The following EXOC6B variants were observed in gnomAD, a reference collection of about 807,000 sequenced individuals.
EXOC6B encodes the protein exocyst complex component 6B.
A neutral mutation model predicts 113.5 loss-of-function variants in EXOC6B; 54 were observed. That is an observed-to-expected ratio of 0.48 (90% confidence interval 0.38 to 0.60). The LOEUF is 0.60. EXOC6B is among the 20% of genes least tolerant of loss of function. EXOC6B has a pLI of 0.00. For synonymous variants in EXOC6B, 357 were observed against 339.0 expected (o/e 1.05, Z -0.58); for missense variants, 797 against 977.5 (o/e 0.82, Z 2.46).
chr2:72,273,420 C>T (rs80065203), intron 20 of EXOC6B, among the ~76,000 whole-genome samples: 145 of 152,176 alleles, frequency 9.5e-4, no homozygotes, highest in African/African-American at 3.3e-3. Context: ...AAATAGTTCA[C>T]AGCCTAGTAG....
intron 19 of EXOC6B, among the ~76,000 whole-genome samples, chr2:72,349,937 C>T (rs1422872748): frequency 5.3e-5 from 8 of 152,138 alleles, no homozygotes. Context: ...ACTCTGCTGA[C>T]TCTGGGAAGT....
intron 6 of EXOC6B, among the ~76,000 whole-genome samples, chr2:72,683,589 C>T (rs1401810862): frequency 1.3e-5 from 2 of 152,050 alleles, no homozygotes; most frequent in Non-Finnish European, 2.9e-5. Flanking sequence ...AATCTGTGGG[C>T]AGTGGGATTT....
chr2:72,410,182 C>T (rs1694077384), intron 18 of EXOC6B, among the ~76,000 whole-genome samples: 1 of 152,210 alleles, frequency 6.6e-6, no homozygotes, highest in South Asian at 2.1e-4. Flanking sequence ...GCTGCATATT[C>T]TGCCACTTGC....
At chr2:72,411,238 GACACT>G (rs1694166930) in intron 18 of EXOC6B, among the ~76,000 whole-genome samples, 1 of 151,972 alleles carries the variant, frequency 6.6e-6, no homozygotes, top group East Asian at 1.9e-4. Flanking sequence ...AACAAAAATA[GACACT>G]ATCAATTAAA....
chr2:72,459,797 T>C lies in EXOC6B; in HGVS notation c.1980+5363A>G, dbSNP rs190463761. Reference sequence around the variant, plus strand: ...CATACTGCCCAAGGTAATTTATAGATTCAATGCCATCCCCATCAAGCTACC... The same window carrying C: ...CATACTGCCCAAGGTAATTTATAGACTCAATGCCATCCCCATCAAGCTACC... On this transcript the variant is annotated intron_variant, in intron 18 of 21. Coordinates refer to ENST00000272427, the MANE Select transcript of EXOC6B (RefSeq NM_015189.3). 3.9e-4 allele frequency among the ~76,000 whole-genome samples: 59 copies of C among 152,192 alleles called. No homozygotes were observed. The East Asian group carries it at 9.5e-3, about 24-fold the overall frequency.
intron 18 of EXOC6B, among the ~76,000 whole-genome samples, chr2:72,432,688 CT>C (rs952350810): frequency 6.6e-6 from 1 of 152,062 alleles, no homozygotes; most frequent in African/African-American, 2.4e-5. Flanking sequence ...GATGATGAGC[CT>C]TTTTTCATGT....
chr2:72,323,570 G>C (rs559151591), intron 20 of EXOC6B, among the ~76,000 whole-genome samples: 1 of 152,188 alleles, frequency 6.6e-6, no homozygotes, highest in Non-Finnish European at 1.5e-5. Context: ...CAATAGCAAA[G>C]ACTTGGAACC....
intron 1 of EXOC6B, among the ~76,000 whole-genome samples, chr2:72,785,553 T>C (rs1316795691): frequency 6.6e-6 from 1 of 152,244 alleles, no homozygotes; most frequent in Non-Finnish European, 1.5e-5. Flanking sequence ...TGAACCCACA[T>C]GCTCAACACC....
At chr2:72,346,446 T>C (rs1415123012) in intron 19 of EXOC6B, among the ~76,000 whole-genome samples, 2 of 152,130 alleles carry the variant, frequency 1.3e-5, no homozygotes. Context: ...GGAATAAACC[T>C]AGAAAACTGG....
At chr2:72,435,810 T>G (rs1009729841) in intron 18 of EXOC6B, among the ~76,000 whole-genome samples, 1 of 152,052 alleles carries the variant, frequency 6.6e-6, no homozygotes, top group Non-Finnish European at 1.5e-5. Context: ...GTGAGATGGA[T>G]CTCCTGAATA....
intron 6 of EXOC6B, among the ~76,000 whole-genome samples, chr2:72,704,043 C>A (rs1053114285): frequency 6.6e-5 from 10 of 151,390 alleles, no homozygotes; most frequent in Admixed American, 6.6e-4. Context: ...AGCACCACAC[C>A]ACACCTATTC....
At chr2:72,754,442 G>T (rs1323768073) in intron 1 of EXOC6B, among the ~76,000 whole-genome samples, 1 of 151,514 alleles carries the variant, frequency 6.6e-6, no homozygotes, top group Non-Finnish European at 1.5e-5. Flanking sequence ...ACATTGCCCA[G>T]GGTACTGTCA....
intron 1 of EXOC6B, among the ~76,000 whole-genome samples, chr2:72,804,142 T>C (rs1041705919): frequency 1.4e-4 from 21 of 152,228 alleles, no homozygotes; most frequent in Non-Finnish European, 2.1e-4. Context: ...CCCTTGGCTT[T>C]CCATCAAACA....
chr2:72,435,580 T>C (rs1453008525), intron 18 of EXOC6B, among the ~76,000 whole-genome samples: 2 of 152,220 alleles, frequency 1.3e-5, no homozygotes, highest in Non-Finnish European at 1.5e-5. Context: ...TTTATGAATC[T>C]GGGTGCTCCT....
Position 72,786,018 on chromosome 2 carries a change from G to A in EXOC6B, c.113+39780C>T, listed in dbSNP as rs138842756. The stretch of plus-strand genomic sequence containing the variant: ...ACAGGAGAATGGCTTAAGCCCAGGA[G>A]TTTGAGATCAGCCTGGGCAAGACAG... On this transcript the variant is annotated intron_variant, in intron 1 of 21. Transcript: ENST00000272427. Among the ~76,000 whole-genome samples, 242 of 152,270 alleles carry A rather than the reference G, an allele frequency of 1.6e-3. 1 individual carries two copies. Among genetic ancestry groups the A allele is most frequent in the African/African-American group, 5.6e-3 (231 of 41,556 alleles).
intron 20 of EXOC6B, among the ~76,000 whole-genome samples, chr2:72,251,296 G>A (rs975782512): frequency 6.6e-6 from 1 of 152,064 alleles, no homozygotes; most frequent in Non-Finnish European, 1.5e-5. Flanking sequence ...TTATGTTTAG[G>A]TAACACAATT....
chr2:72,584,997 T>G (rs894850580), intron 6 of EXOC6B, among the ~76,000 whole-genome samples: 1 of 152,136 alleles, frequency 6.6e-6, no homozygotes, highest in Non-Finnish European at 1.5e-5. Flanking sequence ...ATATCTGGGA[T>G]GCAACAAAAG....
chr2:72,610,566 AAAAT>A (rs1671016389), intron 6 of EXOC6B, among the ~76,000 whole-genome samples: 1 of 152,222 alleles, frequency 6.6e-6, no homozygotes, highest in African/African-American at 2.4e-5. Context: ...TCTGAGCAAC[AAAAT>A]AAATAACATA....
At chr2:72,304,424 C>G (rs1041728271) in intron 20 of EXOC6B, among the ~76,000 whole-genome samples, 1 of 152,142 alleles carries the variant, frequency 6.6e-6, no homozygotes, top group African/African-American at 2.4e-5. Flanking sequence ...AGTTTATACT[C>G]TAATTTATAG....
Sources: gnomAD v4.1 joint callset for allele counts (sites outside exome capture counted in the v4.1 genomes callset) on GRCh38, gnomAD v4.1.1 for gene constraint, MANE v1.5 for transcripts, NCBI Gene and HGNC (gene_info 2026-07-23, HGNC 2026-07-21) for gene names.